Variants in HDX observed in about 807,000 individuals in gnomAD.
HDX encodes chromosome X open reading frame 43.
A neutral mutation model predicts 45.2 loss-of-function variants in HDX; 19 were observed. The observed-to-expected ratio is 0.42, with a 90% CI of 0.29 to 0.62. HDX has a LOEUF of 0.62. Among genes scored for constraint, HDX ranks in the 20% least tolerant of loss-of-function variants. The probability of loss-of-function intolerance (pLI) is 0.20; values close to 1 mark genes in which losing one functional copy is unlikely to be tolerated. For missense variants in HDX, 532 were observed against 493.9 expected (o/e 1.08, Z -0.73); for synonymous variants, 188 against 172.8 (o/e 1.09, Z -0.69).
At chrX:84,373,776 T>C (rs962627087) in intron 5 of HDX, among the ~76,000 whole-genome samples, 32 of 111,479 alleles carry the variant, frequency 2.9e-4, no homozygotes, top group African/African-American at 9.5e-4. Context: ...ATAAGAGCTA[T>C]TTATGACAAA....
At chrX:84,413,775 C>T (rs190881439) in intron 5 of HDX, among the ~76,000 whole-genome samples, 190 of 111,451 alleles carry the variant, frequency 1.7e-3, no homozygotes, top group African/African-American at 5.9e-3. Flanking sequence ...TAATTCAGTG[C>T]TCTTAGCCCT....
intron 5 of HDX, among the ~76,000 whole-genome samples, chrX:84,370,542 A>G (rs2037868177): frequency 8.9e-6 from 1 of 112,218 alleles, no homozygotes; most frequent in South Asian, 3.6e-4. Flanking sequence ...CAGTCTCTGG[A>G]GTTCTGGCAT....
chrX:84,417,150 A>AAAAGAAAG (rs59777893), intron 5 of HDX, among the ~76,000 whole-genome samples: 3 of 106,071 alleles, frequency 2.8e-5, no homozygotes, highest in Admixed American at 1.1e-4. Flanking sequence ...CGAGACTCCA[A>AAAAGAAAG]AAAGAAAGAA....
At position 84,387,316 on chromosome X, in the gene HDX, T is replaced by C. The variant is rs186635993; in HGVS notation, c.1306-25704A>G. On this transcript the variant is annotated intron_variant, in intron 5 of 10. Transcript: ENST00000373177. ...GGTGAGAAGAATGTATATTCTGTGG[T>C]TGCTGGACGGAGTGACTTGTAATGT... 3.6e-5 allele frequency among the ~76,000 whole-genome samples: 4 copies of C among 111,892 alleles called. No individual in the cohort carries two copies. In the Admixed American group the frequency reaches 3.8e-4, roughly 11 times the overall value.
chrX:84,473,779 A>G (rs2040495228), intron 3 of HDX, among the ~76,000 whole-genome samples: 2 of 111,579 alleles, frequency 1.8e-5, no homozygotes, highest in Non-Finnish European at 3.8e-5. Flanking sequence ...AAAAAAGAAA[A>G]AAAAAAGCAG....
chrX:84,347,391 T>C (rs775464786), intron 6 of HDX, among the ~76,000 whole-genome samples: 2 of 111,096 alleles, frequency 1.8e-5, no homozygotes, highest in African/African-American at 6.5e-5. Context: ...GGTGGGAGTT[T>C]AGATTATTTA....
At chrX:84,388,510 C>G (rs900554016) in intron 5 of HDX, among the ~76,000 whole-genome samples, 1 of 111,633 alleles carries the variant, frequency 9.0e-6, no homozygotes, top group Non-Finnish European at 1.9e-5. Flanking sequence ...AATTCTTTTT[C>G]TCTTTATTTT....
chrX:84,424,682 A>G (rs1393732632), intron 5 of HDX, among the ~76,000 whole-genome samples: 2 of 111,457 alleles, frequency 1.8e-5, no homozygotes, highest in African/African-American at 3.3e-5. Context: ...CTCATTTTTG[A>G]CAAAGCTTCC....
chrX:84,399,809 C>T (rs1020540767), intron 5 of HDX, among the ~76,000 whole-genome samples: 5 of 111,529 alleles, frequency 4.5e-5, no homozygotes, highest in African/African-American at 1.6e-4. Context: ...TGTGAAAATC[C>T]TCAATAAAAT....
intron 2 of HDX, among the ~76,000 whole-genome samples, chrX:84,476,544 C>CAAAA (rs376973856): frequency 2.4e-4 from 9 of 38,029 alleles, no homozygotes; most frequent in Non-Finnish European, 2.9e-4. Context: ...AACTCTGTCT[C>CAAAA]AAAAAAAAAA....
chrX:84,484,559 G>A (rs1294178198), intron 2 of HDX, among the ~76,000 whole-genome samples: 1 of 111,504 alleles, frequency 9.0e-6, no homozygotes, highest in Non-Finnish European at 1.9e-5. Flanking sequence ...GGGGATTATG[G>A]GAACTATAAT....
intron 9 of HDX, among the ~76,000 whole-genome samples, chrX:84,331,993 T>C (rs1210755447): frequency 9.0e-6 from 1 of 111,481 alleles, no homozygotes; most frequent in African/African-American, 3.3e-5. Flanking sequence ...ACTTAAGATA[T>C]CAACAATGTG....
chrX:84,365,872 A>T (rs1157112497), intron 5 of HDX, among the ~76,000 whole-genome samples: 1 of 111,981 alleles, frequency 8.9e-6, no homozygotes, highest in Admixed American at 9.5e-5. Flanking sequence ...CTCACAGTCA[A>T]TATCATAGTG....
intron 5 of HDX, among the ~76,000 whole-genome samples, chrX:84,363,486 G>C (rs1174381277): frequency 1.8e-5 from 2 of 111,887 alleles, no homozygotes; most frequent in African/African-American, 6.5e-5. Context: ...AATTCATTTA[G>C]AGGACATCCA....
At chrX:84,493,092 G>C (rs1016347830) in intron 1 of HDX, among the ~76,000 whole-genome samples, 1 of 110,602 alleles carries the variant, frequency 9.0e-6, no homozygotes, top group African/African-American at 3.3e-5. Flanking sequence ...TTGTATTTTA[G>C]TAGAGATGGG....
intron 8 of HDX, among the ~76,000 whole-genome samples, chrX:84,336,594 C>A (rs1483019095): frequency 1.8e-5 from 2 of 111,286 alleles, no homozygotes; most frequent in Non-Finnish European, 3.8e-5. Flanking sequence ...CACATCTCCT[C>A]AATCAAAAAA....
chrX:84,417,068 T>C (rs2039120503), intron 5 of HDX, among the ~76,000 whole-genome samples: 1 of 109,102 alleles, frequency 9.2e-6, no homozygotes, highest in Admixed American at 9.9e-5. Flanking sequence ...GCAGGAGAAT[T>C]GCTTTAACCT....
intron 4 of HDX, among the ~76,000 whole-genome samples, chrX:84,446,093 A>G (rs2039867069): frequency 9.0e-6 from 1 of 111,659 alleles, no homozygotes; most frequent in Non-Finnish European, 1.9e-5. Context: ...TTCCCTGTTA[A>G]AAATAATGGA....
At chrX:84,439,244 T>C (rs184327482) in intron 5 of HDX, among the ~76,000 whole-genome samples, 1 of 111,273 alleles carries the variant, frequency 9.0e-6, no homozygotes, top group African/African-American at 3.3e-5. Flanking sequence ...CCATTTTTAT[T>C]TAGACTGATT....
Sources: allele counts gnomAD v4.1 joint callset (sites outside exome capture counted in the v4.1 genomes callset), GRCh38; gene constraint gnomAD v4.1.1; transcripts MANE v1.5; gene names NCBI Gene and HGNC (gene_info 2026-07-23, HGNC 2026-07-21).